The following RFESD variants were observed in gnomAD, a reference collection of about 807,000 sequenced individuals.
RFESD encodes Rieske domain-containing protein.
Under a neutral mutation model 24.4 loss-of-function variants are expected in RFESD, and 16 were observed. That is an observed-to-expected ratio of 0.66 (90% confidence interval 0.44 to 1.00). RFESD has a LOEUF of 1.00. Ranked by LOEUF, RFESD falls within the 50% of genes least tolerant of loss-of-function variation. The pLI, the probability that RFESD is intolerant of heterozygous loss-of-function variation, is 0.00. For synonymous variants in RFESD, 59 were observed against 81.8 expected (o/e 0.72, Z 1.50); for missense variants, 208 against 247.0 (o/e 0.84, Z 1.06).
intron 1 of RFESD, chr5:95,647,176 C>T (rs765286130): frequency 6.6e-6 from 1 of 152,276 alleles, no homozygotes; most frequent in East Asian, 1.9e-4. Flanking sequence ...AGATACTCGC[C>T]TCCTGGAGTC....
intron 2 of RFESD, chr5:95,652,637 CA>C: frequency 3.2e-6 from 1 of 308,296 alleles, no homozygotes; most frequent in Non-Finnish European, 6.0e-6. Flanking sequence ...TTCATCAACC[CA>C]ACTTCTCTGT....
In RFESD at chr5:95,652,219, G is replaced by T; in HGVS notation, c.-53G>T. ...AATTTCATTTGATTAGCAATAGATT[G>T]GACACTCTACTGATCTTGCCTCTCT... On this transcript the variant is annotated 5_prime_UTR_variant, in exon 2 of 6. Coordinates refer to ENST00000380005, the MANE Select transcript of RFESD (RefSeq NM_001131066.2). 6.6e-7 allele frequency: 1 copy of T among 1,521,388 alleles called. No individual in the cohort carries two copies. The allele number at this position is 1,521,388 out of a possible 1,614,324, so 94.2% of individuals were successfully genotyped here.
intron 3 of RFESD, among the ~76,000 whole-genome samples, chr5:95,653,495 AC>A (rs1176104369): frequency 6.6e-6 from 1 of 152,246 alleles, no homozygotes; most frequent in Non-Finnish European, 1.5e-5. Flanking sequence ...TTCCTTCTTG[AC>A]CTTGAAATGA....
In RFESD at chr5:95,656,061, C is replaced by G; in HGVS notation, c.385C>G (p.Pro129Ala). The change falls in exon 6 of 6, where the codon CCG becomes GCG. Residue 129 changes from proline (P) to alanine (A), a missense_variant. Pro to Ala is a conservative substitution (Grantham distance 27). Coordinates refer to ENST00000380005, the MANE Select transcript of RFESD (RefSeq NM_001131066.2). The part of the protein sequence containing the change: ...LGDIEDFDGR[P>A]CIVCPWHKYK... The stretch of plus-strand genomic sequence containing the variant: ...TCTTCCCCAGGATTTTGATGGACGA[C>G]CGTGTATAGTTTGCCCCTGGCATAA... The G allele has an allele frequency of 6.2e-7, 1 of 1,613,382 alleles. No homozygotes were observed. The highest frequency in any genetic ancestry group is 8.5e-7 in the Non-Finnish European group (1 of 1,179,524).
Position 95,656,539 on chromosome 5 carries a change from G to C in RFESD, c.*230G>C. The C allele has an allele frequency of 2.4e-6, 1 of 410,312 alleles. No homozygotes were observed. Among genetic ancestry groups the C allele is most frequent in the South Asian group, 4.6e-5 (1 of 21,872 alleles). The allele number at this position is 410,312 out of a possible 1,614,324, so 25.4% of individuals were successfully genotyped here. The stretch of plus-strand genomic sequence containing the variant: ...TTCTGGATTAATTAGAAACCTGAAG[G>C]TTATAGGTTTGGGATGTTCTGTTTA... On this transcript the variant is annotated 3_prime_UTR_variant, in exon 6 of 6. Transcript: ENST00000380005.
chr5:95,653,567 G>A (rs956329783), intron 3 of RFESD, among the ~76,000 whole-genome samples: 1 of 152,222 alleles, frequency 6.6e-6, no homozygotes, highest in Admixed American at 6.5e-5. Flanking sequence ...GTCTTTAAGA[G>A]TCTCTAACGC....
chr5:95,650,637 T>C (rs1750276188), intron 1 of RFESD, among the ~76,000 whole-genome samples: 1 of 152,238 alleles, frequency 6.6e-6, no homozygotes, highest in Non-Finnish European at 1.5e-5. Flanking sequence ...ATCAGTTATA[T>C]GGGATTAAAT....
At chr5:95,655,663 T>G (rs1351613244) in intron 5 of RFESD, among the ~76,000 whole-genome samples, 2 of 152,234 alleles carry the variant, frequency 1.3e-5, no homozygotes, top group African/African-American at 4.8e-5. Context: ...TAGTAACTCC[T>G]TTTGAATTTA....
At chr5:95,655,999 G>C in intron 5 of RFESD, 47 bp from the exon 6 acceptor site, 1 of 1,574,772 alleles carries the variant, frequency 6.4e-7, no homozygotes, top group Non-Finnish European at 8.7e-7. Flanking sequence ...AGTCTATCAA[G>C]AACATTTGAC....
intron 1 of RFESD, 94 bp downstream of exon 1, chr5:95,646,911 C>G (rs1328348022): frequency 3.9e-5 from 6 of 152,386 alleles, no homozygotes; most frequent in Non-Finnish European, 7.3e-5. Flanking sequence ...CGGCTGTGGC[C>G]GCGCCGCTGC....
intron 1 of RFESD, among the ~76,000 whole-genome samples, chr5:95,649,084 CATAA>C (rs1750214033): frequency 6.6e-6 from 1 of 151,700 alleles, no homozygotes; most frequent in South Asian, 2.1e-4. Flanking sequence ...TCATTTGCTA[CATAA>C]ATATACATTA....
At chr5:95,647,124 A>G (rs1750134696) in intron 1 of RFESD, 3 of 152,204 alleles carry the variant, frequency 2.0e-5, no homozygotes, top group Non-Finnish European at 4.4e-5. Context: ...GCTCTAAAGT[A>G]TAGAAGCTGC....
intron 1 of RFESD, among the ~76,000 whole-genome samples, chr5:95,648,625 T>A (rs1465373720): frequency 1.3e-5 from 2 of 152,182 alleles, no homozygotes; most frequent in Non-Finnish European, 2.9e-5. Context: ...ATTATACTTT[T>A]CTAAGCAAAA....
chr5:95,654,043 T>C lies in RFESD; in HGVS notation c.159-18T>C. On this transcript the variant is annotated intron_variant, in intron 3 of 5. Coordinates refer to ENST00000380005, the MANE Select transcript of RFESD (RefSeq NM_001131066.2). ...TAGTGAATACTTCTTGTAACTTTCC[T>C]TCTTTATGTTCAACTAGCATGAATC... The C allele has an allele frequency of 6.2e-7, 1 of 1,601,754 alleles. No homozygotes were observed. The highest frequency in any genetic ancestry group is 8.5e-7 in the Non-Finnish European group (1 of 1,175,316).
At chr5:95,654,437 T>A in intron 5 of RFESD, 70 bp downstream of exon 5, 1 of 1,025,918 alleles carries the variant, frequency 9.7e-7, no homozygotes, top group Non-Finnish European at 1.5e-6. Context: ...TTATAATTGG[T>A]TTGAACTATA....
intron 5 of RFESD, 170 bp from the exon 6 acceptor site, chr5:95,655,876 A>T: frequency 3.4e-6 from 2 of 594,198 alleles, no homozygotes; most frequent in Non-Finnish European, 5.8e-6. Flanking sequence ...AAAGAGCTTG[A>T]TGACTCTTCT....
intron 1 of RFESD, among the ~76,000 whole-genome samples, chr5:95,648,761 G>C (rs1750202794): frequency 6.6e-6 from 1 of 152,104 alleles, no homozygotes; most frequent in South Asian, 2.1e-4. Context: ...TGCAAAAACT[G>C]TAAGTTTGTA....
chr5:95,657,769 A>G lies in RFESD; in HGVS notation c.*1460A>G, dbSNP rs1750850092. On this transcript the variant is annotated 3_prime_UTR_variant, in exon 6 of 6. Coordinates refer to ENST00000380005, the MANE Select transcript of RFESD (RefSeq NM_001131066.2). ...AACCAGACTTGGGCTTTTTATAGAT[A>G]CTGTTTGTGGTAGCAGCTACTTACT... 6.6e-6 allele frequency: 1 copy of G among 152,130 alleles called. No individual in the cohort carries two copies. Among genetic ancestry groups the G allele is most frequent in the African/African-American group, 2.4e-5 (1 of 41,438 alleles). The allele number at this position is 152,130 out of a possible 1,614,324, so 9.4% of individuals were successfully genotyped here.
Position 95,656,069 on chromosome 5 carries a change from A to G in RFESD, c.393A>G (p.Ile131Met), listed in dbSNP as rs1443464636. ...DIEDFDGRPC[I>M]VCPWHKYKIT... ...AGGATTTTGATGGACGACCGTGTAT[A>G]GTTTGCCCCTGGCATAAATACAAAA... is the stretch of plus-strand genomic sequence containing the variant. Residue 131 changes from isoleucine to methionine, a missense_variant, in exon 6 of 6, where the codon ATA (isoleucine) becomes ATG (methionine). Transcript: ENST00000380005. The G allele has an allele frequency of 6.2e-7, 1 of 1,613,566 alleles. No homozygotes were observed. Among genetic ancestry groups the G allele is most frequent in the Admixed American group, 1.7e-5 (1 of 59,996 alleles).
Sources: allele counts gnomAD v4.1 joint callset (sites outside exome capture counted in the v4.1 genomes callset), GRCh38; gene constraint gnomAD v4.1.1; transcripts MANE v1.5; gene names NCBI Gene and HGNC (gene_info 2026-07-23, HGNC 2026-07-21).